The following PGCKA1 variants were observed in gnomAD, a reference collection of about 807,000 sequenced individuals.
PGCKA1 encodes PDCD10 and GCKIII kinases associated 1, also known as PDCD10 and GCKIII kinases-associated protein 1.
the PGCKA1 span, chr4:37,589,013 A>G: frequency 1.3e-5 from 10 of 752,782 alleles, no homozygotes; most frequent in Non-Finnish European, 2.3e-5. Context: ...CATGATCAAC[A>G]TTGCCAACAC....
At chr4:37,453,412 C>T in the PGCKA1 span, among the ~76,000 whole-genome samples, 2 of 152,058 alleles carry the variant, frequency 1.3e-5, no homozygotes, top group African/African-American at 4.8e-5. Flanking sequence ...TGGTTTTTAT[C>T]GTGGTGGTGG....
At chr4:37,497,402 G>A in the PGCKA1 span, among the ~76,000 whole-genome samples, 6 of 152,162 alleles carry the variant, frequency 3.9e-5, no homozygotes, top group Admixed American at 2.0e-4. Context: ...ACATGCGTGT[G>A]CAAGTATCTT....
chr4:37,572,455 C>G, the PGCKA1 span, among the ~76,000 whole-genome samples: 28,365 of 152,170 alleles, frequency 0.19, 3,014 homozygotes, highest in Non-Finnish European at 0.26. Flanking sequence ...AAATCCTCTA[C>G]CCAGAGTCCC....
the PGCKA1 span, among the ~76,000 whole-genome samples, chr4:37,487,976 G>A: frequency 6.6e-6 from 1 of 152,206 alleles, no homozygotes; most frequent in African/African-American, 2.4e-5. Context: ...GATTATTTCA[G>A]TTTGGGGCTA....
At chr4:37,586,233 C>A in the PGCKA1 span, among the ~76,000 whole-genome samples, 2 of 152,074 alleles carry the variant, frequency 1.3e-5, no homozygotes, top group African/African-American at 4.8e-5. Flanking sequence ...CTGAGCCCAC[C>A]CTCATAACAC....
At chr4:37,470,121 T>A in the PGCKA1 span, among the ~76,000 whole-genome samples, 4 of 152,218 alleles carry the variant, frequency 2.6e-5, no homozygotes, top group Non-Finnish European at 5.9e-5. Context: ...TCTGTAGATA[T>A]AATTAAGAGC....
the PGCKA1 span, among the ~76,000 whole-genome samples, chr4:37,498,448 A>G: frequency 6.6e-5 from 10 of 152,006 alleles, no homozygotes; most frequent in Admixed American, 4.6e-4. Context: ...AAGAATGATG[A>G]TGGTATTTTG....
At chr4:37,554,643 C>T in the PGCKA1 span, among the ~76,000 whole-genome samples, 60 of 152,288 alleles carry the variant, frequency 3.9e-4, no homozygotes, top group African/African-American at 1.3e-3. Flanking sequence ...CCACCACACC[C>T]GGCCTAGAAA....
chr4:37,487,533 A>G, the PGCKA1 span, among the ~76,000 whole-genome samples: 62,168 of 152,030 alleles, frequency 0.41, 13,003 homozygotes, highest in African/African-American at 0.48. Flanking sequence ...AGTGAAATAT[A>G]CAAATTTAAG....
chr4:37,538,995 A>G, the PGCKA1 span, among the ~76,000 whole-genome samples: 2 of 152,318 alleles, frequency 1.3e-5, no homozygotes, highest in South Asian at 2.1e-4. Flanking sequence ...GCATGTCGCA[A>G]TGATAATCTA....
At chr4:37,530,779 C>T in the PGCKA1 span, among the ~76,000 whole-genome samples, 1 of 151,950 alleles carries the variant, frequency 6.6e-6, no homozygotes, top group African/African-American at 2.4e-5. Context: ...GAGTTCAAAA[C>T]CAGCCTGGCC....
the PGCKA1 span, among the ~76,000 whole-genome samples, chr4:37,547,176 G>A: frequency 2.0e-5 from 3 of 152,148 alleles, no homozygotes; most frequent in Non-Finnish European, 4.4e-5. Flanking sequence ...CTGGTCTTGG[G>A]AACTTGCCTT....
the PGCKA1 span, among the ~76,000 whole-genome samples, chr4:37,589,217 AT>A: frequency 6.6e-6 from 1 of 152,208 alleles, no homozygotes; most frequent in African/African-American, 2.4e-5. Flanking sequence ...TGTGCTTTTA[AT>A]TTTGTCCACA....
chr4:37,540,915 T>C, the PGCKA1 span, among the ~76,000 whole-genome samples: 2 of 151,562 alleles, frequency 1.3e-5, no homozygotes, highest in African/African-American at 4.9e-5. Context: ...TTATTATATT[T>C]AGAATTTAAC....
At chr4:37,561,615 A>G in the PGCKA1 span, among the ~76,000 whole-genome samples, 2 of 136,952 alleles carry the variant, frequency 1.5e-5, no homozygotes, top group East Asian at 3.8e-4. Context: ...GACTTCATCT[A>G]TTATTGTATA....
the PGCKA1 span, among the ~76,000 whole-genome samples, chr4:37,540,494 A>C: frequency 6.6e-6 from 1 of 152,168 alleles, no homozygotes; most frequent in East Asian, 1.9e-4. Context: ...TTTTCTGTGG[A>C]GATTCTAGAT....
the PGCKA1 span, among the ~76,000 whole-genome samples, chr4:37,530,728 G>A: frequency 0.17 from 25,842 of 152,010 alleles, 2,677 homozygotes; most frequent in East Asian, 0.25. Flanking sequence ...TGTAAGCCCA[G>A]CACTTTGGGA....
At chr4:37,552,571 G>T in the PGCKA1 span, among the ~76,000 whole-genome samples, 1 of 152,302 alleles carries the variant, frequency 6.6e-6, no homozygotes, top group South Asian at 2.1e-4. Flanking sequence ...TGTGCTAAGA[G>T]AAACCAGGGG....
chr4:37,466,149 C>G, the PGCKA1 span, among the ~76,000 whole-genome samples: 3 of 152,184 alleles, frequency 2.0e-5, no homozygotes, highest in Admixed American at 2.0e-4. Flanking sequence ...ATCCATTTTG[C>G]AAACTCATAA....
Sources: gnomAD v4.1 joint callset for allele counts (sites outside exome capture counted in the v4.1 genomes callset) on GRCh38, gnomAD v4.1.1 for gene constraint, MANE v1.5 for transcripts, NCBI Gene and HGNC (gene_info 2026-07-23, HGNC 2026-07-21) for gene names.